SIPA1L1: variants seen among roughly 807,000 people sequenced by gnomAD.
SIPA1L1 encodes the protein signal induced proliferation associated 1 like 1.
SIPA1L1 carries 26 observed loss-of-function variants against 162.7 expected under a neutral mutation model. The ratio of observed to expected loss-of-function variants is 0.16; its 90% CI spans 0.12 to 0.22. The LOEUF (loss-of-function observed/expected upper bound fraction) is 0.22. SIPA1L1 is among the 10% of genes least tolerant of loss of function. The pLI, the probability that SIPA1L1 is intolerant of heterozygous loss-of-function variation, is 1.00. For missense variants in SIPA1L1, 1,874 were observed against 2,241.0 expected (o/e 0.84, Z 3.31); for synonymous variants, 829 against 837.4 (o/e 0.99, Z 0.17).
intron 2 of SIPA1L1, among the ~76,000 whole-genome samples, chr14:71,501,043 G>T (rs912802369): frequency 6.6e-6 from 1 of 152,134 alleles, no homozygotes; most frequent in African/African-American, 2.4e-5. Context: ...AAAAGGTGCC[G>T]AGTGCAGCGG....
At chr14:71,376,785 T>TGAA (rs2039410870) in intron 2 of SIPA1L1, among the ~76,000 whole-genome samples, 1 of 152,226 alleles carries the variant, frequency 6.6e-6, no homozygotes, top group South Asian at 2.1e-4. Context: ...GCATGCTGCC[T>TGAA]TCAAGCATCG....
intron 17 of SIPA1L1, among the ~76,000 whole-genome samples, chr14:71,722,633 A>G (rs1442102373): frequency 6.6e-6 from 1 of 152,216 alleles, no homozygotes; most frequent in Non-Finnish European, 1.5e-5. Context: ...GTTTTAGTCA[A>G]CTAAAACTCT....
At chr14:71,544,834 C>A (rs1366299228) in intron 4 of SIPA1L1, among the ~76,000 whole-genome samples, 3 of 152,166 alleles carry the variant, frequency 2.0e-5, no homozygotes, top group African/African-American at 7.2e-5. Context: ...GTCTTGAATA[C>A]TGTAGCTTTA....
At chr14:71,375,944 A>C (rs1056034332) in intron 2 of SIPA1L1, among the ~76,000 whole-genome samples, 1 of 152,098 alleles carries the variant, frequency 6.6e-6, no homozygotes, top group Admixed American at 6.5e-5. Context: ...ACCTTTTTAT[A>C]TAGTATTGGA....
At chr14:71,726,911 A>G (rs2084292570) in intron 19 of SIPA1L1, among the ~76,000 whole-genome samples, 1 of 152,140 alleles carries the variant, frequency 6.6e-6, no homozygotes, top group Admixed American at 6.5e-5. Flanking sequence ...GCTCTGAGTC[A>G]CTGCCTCAGG....
Position 71,733,640 on chromosome 14 carries a change from A to G in SIPA1L1, c.4862-26A>G, listed in dbSNP as rs768993382. On this transcript the variant is annotated intron_variant, in intron 20 of 23. Coordinates refer to ENST00000381232, the MANE Select transcript of SIPA1L1 (RefSeq NM_001386936.1). ...TGGCTCTTCCACAGGCACAAGAAGC[A>G]TCTCATTCCTCCTCCCTTCCCGCAG... 1.9e-6 allele frequency: 3 copies of G among 1,610,156 alleles called. No homozygotes were observed. In the South Asian group the frequency reaches 3.3e-5, roughly 18 times the overall value.
intron 6 of SIPA1L1, among the ~76,000 whole-genome samples, chr14:71,620,676 G>A (rs988099420): frequency 2.6e-5 from 4 of 152,080 alleles, no homozygotes; most frequent in African/African-American, 9.7e-5. Flanking sequence ...AGCATGTCTT[G>A]CAGGCTCTCC....
chr14:71,332,265 G>C (rs749174996), intron 2 of SIPA1L1, among the ~76,000 whole-genome samples: 60 of 152,264 alleles, frequency 3.9e-4, no homozygotes, highest in South Asian at 2.1e-3. Flanking sequence ...GGGACTGGTG[G>C]CTGCTGCTGG....
rs991472757 is a variant in SIPA1L1 at position 71,588,061 on chromosome 14, C to A, written c.189C>A (p.His63Gln). The change falls in exon 5 of 24, where the codon CAC becomes CAA. Residue 63 changes from histidine to glutamine, a missense_variant. By Grantham distance (24) the His-to-Gln change is conservative. Transcript: ENST00000381232. This position sits in a 1 kb window ranked among gnomAD's most constrained non-coding sequence, Gnocchi z 4.3. ...GACCCCCCCGAAGTGAAGGTTCTCA[C>A]CATATAACCTCAACCCCCGGAGTCC... is the stretch of plus-strand genomic sequence containing the variant. ...PVGPPRSEGSHHITSTPGVPK... is the reference protein window; with the variant it reads ...PVGPPRSEGSQHITSTPGVPK... The A allele has an allele frequency of 6.8e-6, 11 of 1,614,126 alleles. No individual in the cohort carries two copies. The highest frequency in any genetic ancestry group is 9.3e-6 in the Non-Finnish European group (11 of 1,179,998).
intron 4 of SIPA1L1, among the ~76,000 whole-genome samples, chr14:71,577,144 C>T (rs2033175005): frequency 6.6e-6 from 1 of 150,934 alleles, no homozygotes; most frequent in South Asian, 2.1e-4. Flanking sequence ...CTCAAAGTGA[C>T]ATGACTACCA....
intron 4 of SIPA1L1, among the ~76,000 whole-genome samples, chr14:71,536,427 G>A (rs772187089): frequency 9.2e-5 from 14 of 152,190 alleles, no homozygotes; most frequent in African/African-American, 3.4e-4. Flanking sequence ...AGCCATTGTG[G>A]TATAAACAGA....
chr14:71,340,546 TTGCTTCCCTAGCTTTCCGA>T (rs2140408565), intron 2 of SIPA1L1, among the ~76,000 whole-genome samples: 1 of 152,322 alleles, frequency 6.6e-6, no homozygotes, highest in South Asian at 2.1e-4. Flanking sequence ...TAGCTTTCAG[TTGCTTCCCTAGCTTTCCGA>T]TGCTCCCCTA....
At chr14:71,457,624 G>A (rs190468607) in intron 2 of SIPA1L1, among the ~76,000 whole-genome samples, 4 of 145,678 alleles carry the variant, frequency 2.7e-5, no homozygotes, top group Admixed American at 1.4e-4. Context: ...ACGGAATTTC[G>A]CTTTTATCAT....
intron 22 of SIPA1L1, among the ~76,000 whole-genome samples, chr14:71,737,173 G>A (rs1406390861): frequency 2.6e-5 from 4 of 152,190 alleles, no homozygotes; most frequent in Admixed American, 6.5e-5. Flanking sequence ...TGTACACCAC[G>A]GTGGGTTTTG....
chr14:71,488,302 T>G (rs1401978200), intron 2 of SIPA1L1, among the ~76,000 whole-genome samples: 1 of 152,190 alleles, frequency 6.6e-6, no homozygotes, highest in Non-Finnish European at 1.5e-5. Context: ...TTATTTTGGC[T>G]TAAAATATAT....
intron 2 of SIPA1L1, among the ~76,000 whole-genome samples, chr14:71,325,879 C>A (rs2033734982): frequency 6.6e-6 from 1 of 152,126 alleles, no homozygotes; most frequent in Non-Finnish European, 1.5e-5. Context: ...CAGGCAATTA[C>A]ATAATGTTAG....
chr14:71,483,614 T>A (rs1394481293), intron 2 of SIPA1L1, among the ~76,000 whole-genome samples: 1 of 152,220 alleles, frequency 6.6e-6, no homozygotes, highest in Admixed American at 6.5e-5. Flanking sequence ...TTATCCTTGC[T>A]CACCTAGACT....
At chr14:71,546,548 A>G (rs1567186211) in intron 4 of SIPA1L1, among the ~76,000 whole-genome samples, 2 of 150,730 alleles carry the variant, frequency 1.3e-5, no homozygotes, top group Non-Finnish European at 3.0e-5. Flanking sequence ...CGCCTGGCTA[A>G]TTTTTGCATT....
At chr14:71,474,247 A>G (rs1274946362) in intron 2 of SIPA1L1, among the ~76,000 whole-genome samples, 1 of 152,240 alleles carries the variant, frequency 6.6e-6, no homozygotes, top group Admixed American at 6.5e-5. Context: ...GCTATGATCA[A>G]CTATGAAGTT....
Sources: gnomAD v4.1 joint callset for allele counts (sites outside exome capture counted in the v4.1 genomes callset) on GRCh38, gnomAD v4.1.1 for gene constraint, Gnocchi (gnomAD v3.1) non-coding constraint, MANE v1.5 for transcripts, NCBI Gene and HGNC (gene_info 2026-07-23, HGNC 2026-07-21) for gene names.